Variants in SYNJ2 observed in about 807,000 individuals in gnomAD.
SYNJ2 encodes polyphosphatidylinositol phosphatase SYNJ2.
A neutral mutation model predicts 141.3 loss-of-function variants in SYNJ2; 116 were observed. The observed-to-expected ratio is 0.82, with a 90% confidence interval of 0.71 to 0.96. The LOEUF (loss-of-function observed/expected upper bound fraction) is 0.96, where lower values mean the gene tolerates loss of function less well. Ranked by LOEUF, SYNJ2 falls within the 40% of genes least tolerant of loss-of-function variation. The probability of loss-of-function intolerance (pLI) is 0.00; values close to 1 mark genes in which losing one functional copy is unlikely to be tolerated. For missense variants in SYNJ2, 1,873 were observed against 1,934.8 expected, an observed-to-expected ratio of 0.97 and a Z score of 0.60; for synonymous variants, 745 against 777.7, an observed-to-expected ratio of 0.96 and a Z score of 0.70.
At chr6:157,986,650 G>T (rs1777217394) in intron 1 of SYNJ2, among the ~76,000 whole-genome samples, 2 of 152,284 alleles carry the variant, frequency 1.3e-5, no homozygotes, top group South Asian at 4.1e-4. Flanking sequence ...CGTGATTTTT[G>T]TAGCTCACCT....
rs528468558 is a variant in SYNJ2 at position 158,029,624 on chromosome 6, C to A, written c.485+598C>A. Among the ~76,000 whole-genome samples, 6 of 152,060 alleles carry A rather than the reference C, an allele frequency of 3.9e-5. No individual in the cohort carries two copies. The South Asian group carries it at 1.3e-3, about 32-fold the overall frequency. On this transcript the variant is annotated intron_variant, in intron 3 of 26. Transcript: ENST00000355585. ...CATAAGTAAAAAACATAAGAGCCGA[C>A]GTCTGCTGAGTGCTTCCTCAGTCCC...
intron 22 of SYNJ2, among the ~76,000 whole-genome samples, chr6:158,086,021 T>C (rs565921191): frequency 3.9e-5 from 6 of 152,066 alleles, no homozygotes; most frequent in Admixed American, 1.3e-4. Flanking sequence ...AAGAAACTAA[T>C]AGCGCAACAC....
Position 158,096,321 on chromosome 6 carries a change from A to C in SYNJ2, c.4448A>C (p.Lys1483Thr). The change falls in exon 27 of 27, where the codon AAG (lysine) becomes ACG (threonine). Residue 1483 changes from lysine (K) to threonine (T), a missense_variant. By Grantham distance (78) the Lys-to-Thr change is moderately conservative. Transcript: ENST00000355585. ...TGGGTGACAATCAGTGACCAAGAAA[A>C]GAGGACAGCACTGCAGGTGTTTGAC... is the stretch of plus-strand genomic sequence containing the variant. ...GHWVTISDQE[K>T]RTALQVFDPL... is the part of the protein sequence containing the mutation. 1.9e-6 allele frequency: 3 copies of C among 1,613,564 alleles called. No individual in the cohort carries two copies. The highest frequency in any genetic ancestry group is 2.5e-6 in the Non-Finnish European group (3 of 1,179,912).
At chr6:157,988,926 G>A (rs986889788) in intron 1 of SYNJ2, among the ~76,000 whole-genome samples, 3 of 152,178 alleles carry the variant, frequency 2.0e-5, no homozygotes, top group African/African-American at 7.2e-5. Flanking sequence ...AAGTCCATAC[G>A]AAACAGCCCA....
chr6:158,081,515 G>A lies in SYNJ2; in HGVS notation c.2865+5G>A, dbSNP rs376102349. On this transcript the variant is annotated splice_donor_5th_base_variant and intron_variant, in intron 20 of 26. Transcript: ENST00000355585. ...CTGGACGTGGACGGTATGAAGGTACGCTGTACTTGGCCACACTGTGGAGTG... is the reference window on the plus strand; with the variant it reads ...CTGGACGTGGACGGTATGAAGGTACACTGTACTTGGCCACACTGTGGAGTG... The A allele has an allele frequency of 7.1e-5, 114 of 1,612,446 alleles. No individual in the cohort carries two copies. The highest frequency in any genetic ancestry group is 9.4e-5 in the African/African-American group (7 of 74,514).
At chr6:158,028,612 G>T in intron 2 of SYNJ2, 144 bp from the exon 3 acceptor site, 3 of 1,091,620 alleles carry the variant, frequency 2.7e-6, no homozygotes, top group Non-Finnish European at 3.9e-6. Context: ...GAGCCATTGA[G>T]TTGGGCAATG....
At chr6:158,006,303 T>C (rs1432733144) in intron 1 of SYNJ2, among the ~76,000 whole-genome samples, 2 of 152,164 alleles carry the variant, frequency 1.3e-5, no homozygotes, top group Admixed American at 6.5e-5. Flanking sequence ...CTGTTGCCAC[T>C]GTGTCCATTT....
intron 1 of SYNJ2, among the ~76,000 whole-genome samples, chr6:157,993,335 G>C (rs976824110): frequency 1.5e-4 from 23 of 152,080 alleles, no homozygotes; most frequent in Admixed American, 1.5e-3. Flanking sequence ...TTCTTCTTTT[G>C]AGAAATGTAC....
At chr6:158,090,045 C>A in intron 25 of SYNJ2, 98 bp downstream of exon 25, 1 of 761,462 alleles carries the variant, frequency 1.3e-6, no homozygotes, top group Non-Finnish European at 2.3e-6. Flanking sequence ...TCTTTTTATT[C>A]TTCTGGAGGC....
rs1782147667 is a variant in SYNJ2, at chr6:158,074,601, G to A, written c.2155G>A (p.Asp719Asn). ...TTAGGGGAGAAATGTTTTTTCTCATGATTATGTATTTTGGTGTGGCGATTT... is the reference window on the plus strand; with the variant it reads ...TTAGGGGAGAAATGTTTTTTCTCATAATTATGTATTTTGGTGTGGCGATTT... ...FPMGRNVFSH[D>N]YVFWCGDFNY... The change falls in exon 16 of 27, where the codon GAT becomes AAT. Residue 719 changes from aspartate (D) to asparagine (N), a missense_variant. Physicochemically the swap from Asp to Asn is conservative, Grantham distance 23 (BLOSUM62 1). Transcript: ENST00000355585. The A allele has an allele frequency of 6.2e-7, 1 of 1,611,218 alleles. No individual in the cohort carries two copies. The highest frequency in any genetic ancestry group is 1.7e-5 in the Admixed American group (1 of 59,450).
intron 1 of SYNJ2, among the ~76,000 whole-genome samples, chr6:158,013,016 T>G (rs992319281): frequency 1.3e-5 from 2 of 152,246 alleles, no homozygotes; most frequent in African/African-American, 4.8e-5. Flanking sequence ...TTAACCTTTT[T>G]GGGGGCACCG....
chr6:158,039,458 G>A (rs981963273), intron 4 of SYNJ2, among the ~76,000 whole-genome samples: 2 of 152,234 alleles, frequency 1.3e-5, no homozygotes, highest in African/African-American at 4.8e-5. Flanking sequence ...GACCCTGTGA[G>A]ATTTACCTGT....
upstream of SYNJ2, among the ~76,000 whole-genome samples, chr6:157,981,724 G>C (rs960022554): frequency 6.6e-6 from 1 of 151,826 alleles, no homozygotes; most frequent in South Asian, 2.1e-4. The surrounding 1 kb of genome is among the most constrained non-coding windows in gnomAD (Gnocchi z 6.4). Context: ...CTGCCTGGCC[G>C]CTGGGGGGAG....
At chr6:158,064,389 G>A (rs1278014712) in intron 9 of SYNJ2, among the ~76,000 whole-genome samples, 1 of 152,178 alleles carries the variant, frequency 6.6e-6, no homozygotes, top group Non-Finnish European at 1.5e-5. Context: ...GTCAGGGGGT[G>A]AGAGGAGGGC....
chr6:158,026,845 C>T (rs1562335110), intron 2 of SYNJ2: 3 of 985,404 alleles, frequency 3.0e-6, no homozygotes, highest in Non-Finnish European at 3.6e-6. Flanking sequence ...AGGTGGGTGC[C>T]GGGAGCGCTC....
At chr6:158,022,775 C>T (rs1340567692) in intron 2 of SYNJ2, among the ~76,000 whole-genome samples, 1 of 152,230 alleles carries the variant, frequency 6.6e-6, no homozygotes, top group Non-Finnish European at 1.5e-5. Context: ...AGCTTCTTGG[C>T]TGTCAGAGAA....
chr6:158,054,458 A>T (rs1407531096), intron 5 of SYNJ2, among the ~76,000 whole-genome samples: 9 of 152,256 alleles, frequency 5.9e-5, no homozygotes. Flanking sequence ...CTCCAGCAAC[A>T]ATATGTATTT....
At position 158,040,734 on chromosome 6, in the gene SYNJ2, G is replaced by C. The variant is rs745929215; in HGVS notation, c.712-2582G>C. Reference sequence around the variant, plus strand: ...TATATGTACCCCTGTGAGTTTTCCTGCCTCGTCGCTCTCTTTTTATGGCCA... The same window carrying C: ...TATATGTACCCCTGTGAGTTTTCCTCCCTCGTCGCTCTCTTTTTATGGCCA... On this transcript the variant is annotated intron_variant, in intron 4 of 26. Transcript: ENST00000355585. The surrounding 1 kb of genome is among the most constrained non-coding windows in gnomAD (Gnocchi z 4.2). Among the ~76,000 whole-genome samples, 13 of 152,158 alleles carry C rather than the reference G, an allele frequency of 8.5e-5. No individual in the cohort carries two copies. The highest frequency in any genetic ancestry group is 1.5e-4 in the Non-Finnish European group (10 of 68,028).
chr6:158,014,775 C>T (rs1371402297), intron 1 of SYNJ2, among the ~76,000 whole-genome samples: 2 of 152,226 alleles, frequency 1.3e-5, no homozygotes, highest in African/African-American at 4.8e-5. Context: ...CTCCTGTGCT[C>T]GCTAGAGGAG....
Sources: gnomAD v4.1 joint callset for allele counts (sites outside exome capture counted in the v4.1 genomes callset) on GRCh38, gnomAD v4.1.1 for gene constraint, Gnocchi (gnomAD v3.1) non-coding constraint, MANE v1.5 for transcripts, NCBI Gene and HGNC (gene_info 2026-07-23, HGNC 2026-07-21) for gene names.